The following PCDH15 variants were observed in gnomAD, a reference collection of about 807,000 sequenced individuals.
The protein encoded by PCDH15 is protocadherin related 15.
PCDH15 carries 129 observed loss-of-function variants against 178.5 expected under a neutral mutation model. The ratio of observed to expected loss-of-function variants is 0.72; its 90% CI spans 0.63 to 0.84. PCDH15 has a LOEUF of 0.84. PCDH15 is among the 40% of genes least tolerant of loss of function. The pLI is 0.00. For missense variants in PCDH15, 2,230 were observed against 2,099.9 expected (o/e 1.06, Z -1.21); for synonymous variants, 800 against 732.0 (o/e 1.09, Z -1.50).
chr10:55,609,463 A>AAAT (rs1843314189), intron 2 of PCDH15, among the ~76,000 whole-genome samples: 1 of 152,088 alleles, frequency 6.6e-6, no homozygotes, highest in Non-Finnish European at 1.5e-5. Flanking sequence ...AATAATCTGT[A>AAAT]AAGTATTGTT....
chr10:53,921,019 C>T (rs1382186220), intron 25 of PCDH15, among the ~76,000 whole-genome samples: 1 of 152,116 alleles, frequency 6.6e-6, no homozygotes, highest in Non-Finnish European at 1.5e-5. Context: ...TAAGTGGAAG[C>T]AATTTAACTA....
intron 3 of PCDH15, among the ~76,000 whole-genome samples, chr10:54,493,697 G>T (rs905214833): frequency 6.6e-6 from 1 of 151,910 alleles, no homozygotes; most frequent in Non-Finnish European, 1.5e-5. Flanking sequence ...CAGGGATCTA[G>T]AACTAGAAAT....
chr10:55,316,921 G>A (rs1843736138), intron 1 of PCDH15, among the ~76,000 whole-genome samples: 1 of 152,058 alleles, frequency 6.6e-6, no homozygotes, highest in South Asian at 2.1e-4. Flanking sequence ...CCCAGCACTA[G>A]ACTCAAATTT....
At chr10:54,635,162 T>TGTAAATAAATAA (rs1555113542) in intron 2 of PCDH15, among the ~76,000 whole-genome samples, 2 of 145,378 alleles carry the variant, frequency 1.4e-5, no homozygotes, top group East Asian at 4.0e-4. Flanking sequence ...AATAGTCTCC[T>TGTAAATAAATAA]ATAAATAAAT....
intron 3 of PCDH15, among the ~76,000 whole-genome samples, chr10:54,854,358 G>A (rs1029154694): frequency 1.3e-5 from 2 of 152,160 alleles, no homozygotes; most frequent in African/African-American, 4.8e-5. Flanking sequence ...GCATGTTTCA[G>A]CCCTATTTGT....
At chr10:54,680,662 G>A (rs1275480380) in intron 1 of PCDH15, among the ~76,000 whole-genome samples, 2 of 152,180 alleles carry the variant, frequency 1.3e-5, no homozygotes, top group Admixed American at 1.3e-4. Context: ...CTGTTCTTGT[G>A]ATAGTGAATA....
chr10:55,010,624 T>C (rs1840026408), intron 2 of PCDH15, among the ~76,000 whole-genome samples: 1 of 152,058 alleles, frequency 6.6e-6, no homozygotes, highest in South Asian at 2.1e-4. Flanking sequence ...GAAACAATCA[T>C]GGTACAAATA....
chr10:54,631,541 A>C (rs1475951556), intron 2 of PCDH15, among the ~76,000 whole-genome samples: 1 of 152,112 alleles, frequency 6.6e-6, no homozygotes, highest in Non-Finnish European at 1.5e-5. Flanking sequence ...CCCAGCATTT[A>C]CGTGACTAGG....
Position 55,107,779 on chromosome 10 carries a change from G to C in PCDH15, c.-80+58797C>G, listed in dbSNP as rs543006324. On this transcript the variant is annotated intron_variant, in intron 2 of 5. Transcript: ENST00000458638. Reference sequence around the variant, plus strand: ...CCAAAAGTGCCGGGATTACAGGCGTGAATCACCACATCCGGCCTTACAGTT... The same window carrying C: ...CCAAAAGTGCCGGGATTACAGGCGTCAATCACCACATCCGGCCTTACAGTT... 2.0e-5 allele frequency among the ~76,000 whole-genome samples: 3 copies of C among 151,612 alleles called. No individual in the cohort carries two copies. In the South Asian group the frequency reaches 6.3e-4, roughly 32 times the overall value.
At chr10:54,822,846 T>A (rs1452232031) in intron 3 of PCDH15, among the ~76,000 whole-genome samples, 1 of 151,972 alleles carries the variant, frequency 6.6e-6, no homozygotes, top group East Asian at 1.9e-4. Context: ...AAAAATCTCA[T>A]AAATAATAAG....
At chr10:54,092,229 A>G (rs1257052614) in intron 15 of PCDH15, among the ~76,000 whole-genome samples, 1 of 152,098 alleles carries the variant, frequency 6.6e-6, no homozygotes, top group Non-Finnish European at 1.5e-5. Flanking sequence ...CACCAGATTT[A>G]CCTAAAATAT....
At chr10:53,807,291 C>CTTTCATCAATCCT (rs1341110942) in intron 37 of PCDH15, among the ~76,000 whole-genome samples, 161 bp from the exon 38 acceptor site, 8 of 152,128 alleles carry the variant, frequency 5.3e-5, no homozygotes, top group African/African-American at 1.4e-4. Context: ...CATACATTTC[C>CTTTCATCAATCCT]TTTCATCAAT....
At chr10:54,582,588 A>C (rs1479146092) in intron 2 of PCDH15, among the ~76,000 whole-genome samples, 1 of 152,162 alleles carries the variant, frequency 6.6e-6, no homozygotes, top group East Asian at 1.9e-4. Context: ...TGAAATATAA[A>C]TGTACACTAG....
intron 3 of PCDH15, among the ~76,000 whole-genome samples, chr10:54,825,115 C>CA (rs1191230141): frequency 6.6e-6 from 1 of 151,876 alleles, no homozygotes; most frequent in Non-Finnish European, 1.5e-5. Flanking sequence ...TGAGTGAGAA[C>CA]ATGCGGTGTT....
At chr10:55,528,413 T>A (rs1841359662) in intron 2 of PCDH15, among the ~76,000 whole-genome samples, 1 of 151,968 alleles carries the variant, frequency 6.6e-6, no homozygotes, top group Admixed American at 6.6e-5. Flanking sequence ...TGTGTGATGT[T>A]CCCCTTCCTG....
chr10:55,600,249 A>C (rs1002636502), intron 2 of PCDH15, among the ~76,000 whole-genome samples: 2 of 152,184 alleles, frequency 1.3e-5, no homozygotes, highest in South Asian at 2.1e-4. Context: ...CTGTAGTCCC[A>C]GCTACCCAGG....
rs2086001179 is a variant in PCDH15, at chr10:53,940,891, G to A, written c.3207C>T (p.Tyr1069=). Residue 1069 remains tyrosine (Y), a synonymous_variant, in exon 24 of 38, where the codon TAC becomes TAT. Transcript: ENST00000644397. ...SAAAINQSIV[Y]SIVSGNEEDT... ...CTTCTTCATTTCCTGAAACAATGGA[G>A]TACACAATACTTTGATTAATGGCAG... The A allele has an allele frequency of 1.2e-6, 2 of 1,613,004 alleles. No individual in the cohort carries two copies. The highest frequency in any genetic ancestry group is 2.2e-5 in the East Asian group (1 of 44,854).
At chr10:54,215,694 G>A (rs1163887483) in intron 9 of PCDH15, among the ~76,000 whole-genome samples, 2 of 152,128 alleles carry the variant, frequency 1.3e-5, no homozygotes, top group African/African-American at 2.4e-5. Context: ...TGCATGGTGA[G>A]ACACAATGAA....
Position 54,704,632 on chromosome 10 carries a change from A to G in PCDH15, c.-28-40342T>C, listed in dbSNP as rs184712487. The stretch of plus-strand genomic sequence containing the variant: ...TGAATAAAAATCACAATGAGATACC[A>G]TCTTACATCAATCAGAATGGTTATT... On this transcript the variant is annotated intron_variant, in intron 1 of 37. Coordinates refer to ENST00000644397, the MANE Select transcript of PCDH15 (RefSeq NM_001384140.1). 6.4e-4 allele frequency among the ~76,000 whole-genome samples: 98 copies of G among 152,278 alleles called. No homozygotes were observed. The East Asian group carries it at 0.013, about 20-fold the overall frequency.
Sources: gnomAD v4.1 joint callset for allele counts (sites outside exome capture counted in the v4.1 genomes callset) on GRCh38, gnomAD v4.1.1 for gene constraint, MANE v1.5 for transcripts, NCBI Gene and HGNC (gene_info 2026-07-23, HGNC 2026-07-21) for gene names.